Variants in LAMC2 observed in about 807,000 individuals in gnomAD.
LAMC2 encodes laminin subunit gamma-2.
A neutral mutation model predicts 140.2 loss-of-function variants in LAMC2; 97 were observed. That is an observed-to-expected ratio of 0.69 (90% confidence interval 0.59 to 0.82). The LOEUF is 0.82. LAMC2 is among the 40% of genes least tolerant of loss of function. The probability of loss-of-function intolerance (pLI) is 0.00; values close to 1 mark genes in which losing one functional copy is unlikely to be tolerated. For missense variants in LAMC2, 1,402 were observed against 1,476.1 expected (o/e 0.95, Z 0.82); for synonymous variants, 513 against 540.2 (o/e 0.95, Z 0.70).
chr1:183,208,061 A>T lies in LAMC2; in HGVS notation c.260A>T (p.Asn87Ile). 6.2e-7 allele frequency: 1 copy of T among 1,613,922 alleles called. No individual in the cohort carries two copies. Among genetic ancestry groups the T allele is most frequent in the Non-Finnish European group, 8.5e-7 (1 of 1,179,896 alleles). ...ERDRCLPCNC[N>I]SKGSLSARCD... ...GACCGCTGTTTGCCCTGCAATTGTA[A>T]CTCCAAAGGTAGCTGAAAAGGACGG... is the stretch of plus-strand genomic sequence containing the variant. Residue 87 changes from asparagine (N) to isoleucine (I), a missense_variant, in exon 2 of 23, where the codon AAC becomes ATC. By Grantham distance (149) the Asn-to-Ile change is moderately radical. This residue lies in a region of LAMC2 where 723 missense variants were observed against 783.3 expected (regional missense o/e 0.92). Coordinates refer to ENST00000264144, the MANE Select transcript of LAMC2 (RefSeq NM_005562.3).
At chr1:183,186,569 A>C in intron 1 of LAMC2, 138 bp downstream of exon 1, 3 of 806,662 alleles carry the variant, frequency 3.7e-6, no homozygotes, top group Non-Finnish European at 5.6e-6. Flanking sequence ...CTCCTCCCCT[A>C]TCTGGGGCTC....
intron 2 of LAMC2, among the ~76,000 whole-genome samples, chr1:183,214,312 A>T (rs12032413): frequency 0.26 from 39,245 of 151,958 alleles, 5,874 homozygotes; most frequent in African/African-American, 0.39. Context: ...AGGACTGGGG[A>T]AGGGGTGGGA....
At position 183,225,737 on chromosome 1, in the gene LAMC2, A is replaced by G. The variant is rs375258418; in HGVS notation, c.1066+17A>G. Reference sequence around the variant, plus strand: ...GAGAATACAGTAAGTGGCTACGAGAAATTAATTTCTTTCTTCTTAGGTGTT... The same window carrying G: ...GAGAATACAGTAAGTGGCTACGAGAGATTAATTTCTTTCTTCTTAGGTGTT... On this transcript the variant is annotated intron_variant, in intron 8 of 22. Transcript: ENST00000264144. The G allele has an allele frequency of 1.1e-5, 17 of 1,523,590 alleles. No homozygotes were observed. The highest frequency in any genetic ancestry group is 1.5e-5 in the Non-Finnish European group (17 of 1,097,400). The allele number at this position is 1,523,590 out of a possible 1,614,324, so 94.4% of individuals were successfully genotyped here.
chr1:183,232,244 G>C lies in LAMC2; in HGVS notation c.1915G>C (p.Gly639Arg). The C allele has an allele frequency of 2.5e-6, 4 of 1,614,054 alleles. No homozygotes were observed. The highest frequency in any genetic ancestry group is 2.2e-5 in the East Asian group (1 of 44,890). Residue 639 changes from glycine (G) to arginine (R), a missense_variant, in exon 13 of 23, where the codon GGT becomes CGT. Gly to Arg is a moderately radical substitution (Grantham distance 125). This residue lies in a region of LAMC2 where 670 missense variants were observed against 667.2 expected (regional missense o/e 1.00). Coordinates refer to ENST00000264144, the MANE Select transcript of LAMC2 (RefSeq NM_005562.3). ...RMEALISKAQ[G>R]GDGVVPDTEL... ...GGAGGCCCTGATTTCAAAGGCTCAG[G>C]GTGGTGATGGAGTAGTACCTGATAC... is the stretch of plus-strand genomic sequence containing the variant.
intron 1 of LAMC2, among the ~76,000 whole-genome samples, chr1:183,204,455 GAAAAA>G (rs79056040): frequency 0.14 from 18,384 of 129,512 alleles, 1,117 homozygotes; most frequent in East Asian, 0.26. Flanking sequence ...CAAACAAACA[GAAAAA>G]AAAAAAAAAA....
intron 5 of LAMC2, among the ~76,000 whole-genome samples, chr1:183,221,654 G>C (rs531103619): frequency 3.9e-5 from 6 of 151,962 alleles, no homozygotes; most frequent in African/African-American, 1.2e-4. Flanking sequence ...GCGTGAACCC[G>C]GGAGGCGGAG....
At position 183,214,392 on chromosome 1, in the gene LAMC2, T is replaced by G. The variant is rs73049747; in HGVS notation, c.269-1061T>G. The stretch of plus-strand genomic sequence containing the variant: ...TAATATTTAATCAAGACCTGAGTGC[T>G]GAGAATGTGCCAACTAGGGGAAGTC... On this transcript the variant is annotated intron_variant, in intron 2 of 22. Coordinates refer to ENST00000264144, the MANE Select transcript of LAMC2 (RefSeq NM_005562.3). Among the ~76,000 whole-genome samples the G allele has an allele frequency of 7.3e-3, 1,107 of 152,318 alleles. 8 individuals carry two copies. The highest frequency in any genetic ancestry group is 0.022 in the African/African-American group (915 of 41,564).
chr1:183,234,482 G>A lies in LAMC2; in HGVS notation c.2300+36G>A, dbSNP rs767365507. 79 of 1,505,800 alleles carry A rather than the reference G, an allele frequency of 5.2e-5. 2 individuals are homozygous for A. The highest frequency in any genetic ancestry group is 3.8e-5 in the Non-Finnish European group (41 of 1,081,936). The allele number at this position is 1,505,800 out of a possible 1,614,324, so 93.3% of individuals were successfully genotyped here. On this transcript the variant is annotated intron_variant, in intron 15 of 22. Transcript: ENST00000264144. ...TTAGAGGGCACCTCTGCTTCAAGCC[G>A]TCTCTGCAAGGCCAGACTTGAATAA...
chr1:183,224,459 C>T (rs1415390270), intron 7 of LAMC2, among the ~76,000 whole-genome samples: 1 of 152,008 alleles, frequency 6.6e-6, no homozygotes, highest in Non-Finnish European at 1.5e-5. Context: ...GAAGTGTGAT[C>T]GTCAGGTGTG....
intron 1 of LAMC2, among the ~76,000 whole-genome samples, chr1:183,188,016 A>G (rs1048644200): frequency 4.6e-5 from 7 of 152,260 alleles, no homozygotes; most frequent in Admixed American, 2.0e-4. Flanking sequence ...GGGAACAAAA[A>G]TAAATATATA....
intron 12 of LAMC2, 32 bp downstream of exon 12, chr1:183,231,135 CCA>C (rs753174222): frequency 1.2e-5 from 20 of 1,613,602 alleles, no homozygotes; most frequent in Non-Finnish European, 1.6e-5. Flanking sequence ...ACCCCCAACC[CCA>C]CAGAATCAAA....
At chr1:183,193,158 TCAGAGAACAA>T (rs1658399670) in intron 1 of LAMC2, among the ~76,000 whole-genome samples, 1 of 152,210 alleles carries the variant, frequency 6.6e-6, no homozygotes, top group African/African-American at 2.4e-5. Flanking sequence ...TTTAAAAATA[TCAGAGAACAA>T]CAGGTTAAAA....
intron 2 of LAMC2, among the ~76,000 whole-genome samples, chr1:183,215,143 G>A (rs898241299): frequency 2.0e-5 from 3 of 152,156 alleles, no homozygotes; most frequent in Non-Finnish European, 2.9e-5. Flanking sequence ...AATTTTCCTT[G>A]AGATCTTAAA....
chr1:183,243,497 C>T lies in LAMC2; in HGVS notation c.*97C>T. 1 of 1,467,542 alleles carries T rather than the reference C, an allele frequency of 6.8e-7. No homozygotes were observed. Among genetic ancestry groups the T allele is most frequent in the Non-Finnish European group, 9.5e-7 (1 of 1,049,832 alleles). The allele number at this position is 1,467,542 out of a possible 1,614,324, so 90.9% of individuals were successfully genotyped here. A position where few individuals can be genotyped will look rare whatever the true frequency, so the allele number is the denominator to read the frequency against. ...AGTGGGTGGGATGGGGACATTTGAA[C>T]ATGTTTAATGGGTATGCTCAGGTCA... On this transcript the variant is annotated 3_prime_UTR_variant, in exon 23 of 23. Coordinates refer to ENST00000264144, the MANE Select transcript of LAMC2 (RefSeq NM_005562.3).
intron 14 of LAMC2, among the ~76,000 whole-genome samples, chr1:183,233,129 A>G (rs1271793345): frequency 1.3e-5 from 2 of 152,158 alleles, no homozygotes; most frequent in African/African-American, 4.8e-5. Context: ...TCCCTTCTGC[A>G]TATCTCCTAG....
chr1:183,238,606 A>C (rs1660037883), intron 19 of LAMC2, among the ~76,000 whole-genome samples, 185 bp downstream of exon 19: 1 of 152,258 alleles, frequency 6.6e-6, no homozygotes, highest in Non-Finnish European at 1.5e-5. Flanking sequence ...TAATAGAGCT[A>C]GATGTCAGAA....
chr1:183,224,592 G>T (rs1440516224), intron 7 of LAMC2, among the ~76,000 whole-genome samples: 2 of 151,918 alleles, frequency 1.3e-5, no homozygotes, highest in African/African-American at 4.8e-5. Flanking sequence ...CCAAGGCAGG[G>T]GTAATGGCAA....
chr1:183,199,736 C>T (rs900316189), intron 1 of LAMC2, among the ~76,000 whole-genome samples: 14 of 152,136 alleles, frequency 9.2e-5, no homozygotes, highest in African/African-American at 2.9e-4. Context: ...AGAAGGTATC[C>T]GCAAGGAAGT....
intron 17 of LAMC2, 123 bp from the exon 18 acceptor site, chr1:183,237,229 G>T (rs1659991453): frequency 9.2e-7 from 1 of 1,081,390 alleles, no homozygotes; most frequent in African/African-American, 1.6e-5. Context: ...TGGATGGCTA[G>T]TGACTATTTT....
Sources: gnomAD v4.1 joint callset for allele counts (sites outside exome capture counted in the v4.1 genomes callset) on GRCh38, gnomAD v4.1.1 for gene constraint, gnomAD v4.1.1 regional missense constraint, MANE v1.5 for transcripts, NCBI Gene and HGNC (gene_info 2026-07-23, HGNC 2026-07-21) for gene names.